Variants in ZNF804B observed in about 807,000 individuals in gnomAD.
ZNF804B encodes the protein zinc finger 804B.
In ZNF804B, 80 loss-of-function variants were observed where a neutral mutation model predicts 101.4. The ratio of observed to expected loss-of-function variants is 0.79; its 90% CI spans 0.66 to 0.95. ZNF804B has a LOEUF of 0.95. Ranked by LOEUF, ZNF804B falls within the 40% of genes least tolerant of loss-of-function variation. ZNF804B has a pLI of 0.00. For synonymous variants in ZNF804B, 622 were observed against 558.8 expected, an observed-to-expected ratio of 1.11 and a Z score of -1.59; for missense variants, 1,673 against 1,561.9, an observed-to-expected ratio of 1.07 and a Z score of -1.20.
intron 1 of ZNF804B, among the ~76,000 whole-genome samples, chr7:88,916,308 T>C (rs975572933): frequency 2.6e-5 from 4 of 152,138 alleles, no homozygotes; most frequent in Admixed American, 2.6e-4. Flanking sequence ...GAATGAATGA[T>C]GACCATTAAC....
chr7:88,814,592 C>A (rs1790846516), intron 1 of ZNF804B, among the ~76,000 whole-genome samples: 1 of 151,970 alleles, frequency 6.6e-6, no homozygotes. Flanking sequence ...CCATGGATTT[C>A]ATGTAAAGAC....
intron 1 of ZNF804B, among the ~76,000 whole-genome samples, chr7:88,979,266 A>G (rs371080890): frequency 1.3e-5 from 2 of 152,142 alleles, no homozygotes; most frequent in African/African-American, 4.8e-5. Context: ...ATTTAATATC[A>G]TCAGTAAGTT....
intron 2 of ZNF804B, among the ~76,000 whole-genome samples, chr7:89,219,021 A>G (rs541201319): frequency 6.6e-6 from 1 of 152,192 alleles, no homozygotes; most frequent in South Asian, 2.1e-4. Flanking sequence ...ACCCAGGAAA[A>G]ATAATGTCTT....
rs778405116 is a variant in ZNF804B at position 89,336,125 on chromosome 7, C to G, written c.3143C>G (p.Thr1048Arg). The change falls in exon 4 of 4, where the codon ACA becomes AGA. Residue 1048 changes from threonine to arginine, a missense_variant. Physicochemically the swap from Thr to Arg is moderately conservative, Grantham distance 71 (BLOSUM62 -1). Coordinates refer to ENST00000333190, the MANE Select transcript of ZNF804B (RefSeq NM_181646.5). ...CTAAACATAAAAAGGGATGCAACAA[C>G]AAAAGAACAATCAAAACCTTTAATT... The part of the protein sequence containing the change: ...QSLNIKRDAT[T>R]KEQSKPLISE... The G allele has an allele frequency of 6.2e-7, 1 of 1,613,720 alleles. No individual in the cohort carries two copies. The highest frequency in any genetic ancestry group is 8.5e-7 in the Non-Finnish European group (1 of 1,179,970).
intron 1 of ZNF804B, among the ~76,000 whole-genome samples, chr7:88,998,450 T>C (rs928043529): frequency 1.3e-5 from 2 of 151,784 alleles, no homozygotes; most frequent in Non-Finnish European, 1.5e-5. Flanking sequence ...ATTCCATGGA[T>C]TGGGAGAGCA....
At chr7:89,164,775 TTA>T (rs1188083642) in intron 1 of ZNF804B, among the ~76,000 whole-genome samples, 3 of 152,152 alleles carry the variant, frequency 2.0e-5, no homozygotes, top group African/African-American at 7.2e-5. Context: ...CAGCATAACA[TTA>T]TGTTGCTGTC....
At chr7:88,935,141 A>G (rs1792947940) in intron 1 of ZNF804B, among the ~76,000 whole-genome samples, 1 of 151,804 alleles carries the variant, frequency 6.6e-6, no homozygotes, top group South Asian at 2.1e-4. Context: ...ACTTGGATGG[A>G]TTGGAGGCCA....
At chr7:89,173,565 A>C (rs1159746299) in intron 1 of ZNF804B, among the ~76,000 whole-genome samples, 2 of 152,122 alleles carry the variant, frequency 1.3e-5, no homozygotes, top group African/African-American at 2.4e-5. Flanking sequence ...ATAAATAAAT[A>C]GTGCTATATT....
intron 2 of ZNF804B, among the ~76,000 whole-genome samples, chr7:89,256,476 T>C (rs745661977): frequency 2.6e-4 from 39 of 151,634 alleles, no homozygotes; most frequent in Non-Finnish European, 4.4e-4. Flanking sequence ...GCCCAGAAGA[T>C]TGAGGCTGCA....
chr7:89,295,347 A>T (rs1330525865), intron 2 of ZNF804B, among the ~76,000 whole-genome samples: 1 of 152,056 alleles, frequency 6.6e-6, no homozygotes, highest in Admixed American at 6.6e-5. Context: ...TTCTGCAGTG[A>T]CTCACCTTTC....
chr7:88,814,851 TTTTC>T (rs1407271643), intron 1 of ZNF804B, among the ~76,000 whole-genome samples: 4 of 151,608 alleles, frequency 2.6e-5, no homozygotes, highest in Non-Finnish European at 2.9e-5. Flanking sequence ...TTCCCCTTAC[TTTTC>T]TTTCATCTTG....
intron 1 of ZNF804B, among the ~76,000 whole-genome samples, chr7:88,841,203 G>T (rs1030263299): frequency 1.3e-5 from 2 of 152,146 alleles, no homozygotes; most frequent in Admixed American, 1.3e-4. Flanking sequence ...CATTGTTTAG[G>T]ATGAATTTGG....
intron 1 of ZNF804B, among the ~76,000 whole-genome samples, chr7:89,067,039 T>C (rs1789464742): frequency 1.3e-5 from 2 of 152,138 alleles, no homozygotes; most frequent in South Asian, 4.1e-4. Context: ...TTGTATAAGC[T>C]TCACATCTCA....
chr7:88,883,187 A>G (rs1351734816), intron 1 of ZNF804B, among the ~76,000 whole-genome samples: 1 of 152,130 alleles, frequency 6.6e-6, no homozygotes, highest in East Asian at 1.9e-4. Flanking sequence ...GAATCTCATA[A>G]GGAAATTGTT....
intron 2 of ZNF804B, among the ~76,000 whole-genome samples, chr7:89,245,523 G>C (rs901107074): frequency 6.6e-6 from 1 of 152,022 alleles, no homozygotes; most frequent in African/African-American, 2.4e-5. Context: ...AAACCAATAA[G>C]TTTTAAGTAG....
chr7:88,872,597 C>A (rs1053415876), intron 1 of ZNF804B, among the ~76,000 whole-genome samples: 2 of 152,042 alleles, frequency 1.3e-5, no homozygotes, highest in African/African-American at 4.8e-5. Context: ...TTAGGTATAT[C>A]TCCCAATGCC....
At position 88,790,351 on chromosome 7, in the gene ZNF804B, G is replaced by T. The variant is rs142391217; in HGVS notation, c.108+30267G>T. ...AGGTAAATGTATGCCATGGTGGTTT[G>T]CTGCACCTGTCTTCCCATCCCTTAG... On this transcript the variant is annotated intron_variant, in intron 1 of 3. Coordinates refer to ENST00000333190, the MANE Select transcript of ZNF804B (RefSeq NM_181646.5). 9.2e-5 allele frequency among the ~76,000 whole-genome samples: 14 copies of T among 152,150 alleles called. No homozygotes were observed. The East Asian group carries it at 2.7e-3, about 29-fold the overall frequency.
chr7:89,287,528 G>C (rs1166193036), intron 2 of ZNF804B, among the ~76,000 whole-genome samples: 8 of 152,100 alleles, frequency 5.3e-5, no homozygotes, highest in Admixed American at 2.6e-4. Context: ...TAAATTTCTG[G>C]ACTATTAAAT....
chr7:88,989,664 A>T (rs1793815703), intron 1 of ZNF804B, among the ~76,000 whole-genome samples: 1 of 152,134 alleles, frequency 6.6e-6, no homozygotes, highest in South Asian at 2.1e-4. Context: ...TTTCCCAATG[A>T]TACCTAATGA....
Sources: gnomAD v4.1 joint callset for allele counts (sites outside exome capture counted in the v4.1 genomes callset) on GRCh38, gnomAD v4.1.1 for gene constraint, MANE v1.5 for transcripts, NCBI Gene and HGNC (gene_info 2026-07-23, HGNC 2026-07-21) for gene names.